The following SKAP1 variants were observed in gnomAD, a reference collection of about 807,000 sequenced individuals.
The protein encoded by SKAP1 is src kinase-associated phosphoprotein 1.
SKAP1 carries 44 observed loss-of-function variants against 58.5 expected under a neutral mutation model. The observed-to-expected ratio is 0.75, with a 90% CI of 0.59 to 0.97. The LOEUF (loss-of-function observed/expected upper bound fraction) is 0.97, where lower values mean the gene tolerates loss of function less well. SKAP1 is among the 50% of genes least tolerant of loss of function. The probability of loss-of-function intolerance (pLI) is 0.00; values close to 1 mark genes in which losing one functional copy is unlikely to be tolerated. For synonymous variants in SKAP1, 127 were observed against 149.7 expected (o/e 0.85, Z 1.11); for missense variants, 390 against 435.2 (o/e 0.90, Z 0.92).
intron 2 of SKAP1, among the ~76,000 whole-genome samples, chr17:48,390,706 A>G (rs1223277382): frequency 6.6e-6 from 1 of 152,102 alleles, no homozygotes; most frequent in Non-Finnish European, 1.5e-5. Context: ...ACTCCTTTTC[A>G]CTCTTGATTG....
chr17:48,356,794 T>C (rs1318589954), intron 3 of SKAP1, among the ~76,000 whole-genome samples: 11 of 152,202 alleles, frequency 7.2e-5, no homozygotes, highest in Non-Finnish European at 1.6e-4. Context: ...CTTTCATTCA[T>C]ATCAGTATCC....
At chr17:48,341,159 T>C (rs550419672) in intron 4 of SKAP1, among the ~76,000 whole-genome samples, 10 of 152,294 alleles carry the variant, frequency 6.6e-5, no homozygotes, top group Non-Finnish European at 1.3e-4. Context: ...TAGTAAAGAA[T>C]AGTAAACACT....
chr17:48,389,424 C>T (rs1423434004), intron 2 of SKAP1, among the ~76,000 whole-genome samples: 6 of 152,208 alleles, frequency 3.9e-5, no homozygotes, highest in Admixed American at 6.5e-5. Context: ...AACTACATCA[C>T]GCCTGGGGCG....
intron 1 of SKAP1, among the ~76,000 whole-genome samples, chr17:48,424,047 C>G (rs1014731231): frequency 1.3e-5 from 2 of 152,092 alleles, no homozygotes; most frequent in African/African-American, 4.8e-5. Flanking sequence ...TAACAAAATA[C>G]TACAAACTAG....
At position 48,430,089 on chromosome 17, in the gene SKAP1, C is replaced by T. The variant is rs1387810311; in HGVS notation, c.32G>A (p.Arg11His). The change falls in exon 1 of 13, where the codon CGT becomes CAT. Residue 11 changes from arginine to histidine, a missense_variant. Coordinates refer to ENST00000336915, the MANE Select transcript of SKAP1 (RefSeq NM_003726.4). ...CAGGGCGTTACCTTCCAGGAGCCAA[C>T]GGATCTCCTCAGGGAGGGCGGCGGC... MQAAALPEEI[R>H]WLLEDAEEFL... The T allele has an allele frequency of 7.9e-7, 1 of 1,266,382 alleles. No individual in the cohort carries two copies. The highest frequency in any genetic ancestry group is 1.0e-6 in the Non-Finnish European group (1 of 997,870). The allele number at this position is 1,266,382 out of a possible 1,614,324, so 78.4% of individuals were successfully genotyped here.
chr17:48,187,987 A>T, intron 5 of SKAP1, 61 bp from the exon 6 acceptor site: 1 of 1,211,144 alleles, frequency 8.3e-7, no homozygotes, highest in South Asian at 1.2e-5. Flanking sequence ...AAGAGTCTGT[A>T]AAATCCAACA....
chr17:48,353,614 G>A (rs116187071), intron 3 of SKAP1, among the ~76,000 whole-genome samples: 14,031 of 152,152 alleles, frequency 0.092, 983 homozygotes, highest in African/African-American at 0.17. Flanking sequence ...AGAATGAGAT[G>A]GCCGGGTGCA....
At chr17:48,363,897 C>T in intron 2 of SKAP1, 83 bp from the exon 3 acceptor site, 3 of 1,129,164 alleles carry the variant, frequency 2.7e-6, no homozygotes, top group Non-Finnish European at 3.8e-6. Context: ...GCTATAGCAC[C>T]TGGTCCAAAA....
chr17:48,433,684 G>GCC (rs2067929038), upstream of SKAP1, among the ~76,000 whole-genome samples: 1 of 152,162 alleles, frequency 6.6e-6, no homozygotes, highest in African/African-American at 2.4e-5. Context: ...AAGATAAGGG[G>GCC]ATCTAAAGAG....
chr17:48,188,809 G>T (rs914628145), intron 5 of SKAP1, among the ~76,000 whole-genome samples: 6 of 152,186 alleles, frequency 3.9e-5, no homozygotes, highest in Admixed American at 2.0e-4. Context: ...GACCAGCCTG[G>T]CCAACATGAT....
chr17:48,320,293 T>C (rs2066345011), intron 4 of SKAP1, among the ~76,000 whole-genome samples: 1 of 152,184 alleles, frequency 6.6e-6, no homozygotes, highest in Non-Finnish European at 1.5e-5. Context: ...CCCCTAAGTC[T>C]ATTCTGAGAG....
At chr17:48,273,711 G>T (rs1033934567) in intron 4 of SKAP1, among the ~76,000 whole-genome samples, 3 of 152,076 alleles carry the variant, frequency 2.0e-5, no homozygotes, top group Admixed American at 6.6e-5. Context: ...AAGCCACCGT[G>T]CCCGGCTCTT....
chr17:48,155,840 G>C (rs2063969687), intron 11 of SKAP1, among the ~76,000 whole-genome samples: 1 of 152,214 alleles, frequency 6.6e-6, no homozygotes. Flanking sequence ...GCAACAGAGA[G>C]AGACTCCGTC....
intron 2 of SKAP1, among the ~76,000 whole-genome samples, chr17:48,375,671 G>A (rs564895955): frequency 4.6e-5 from 7 of 152,230 alleles, no homozygotes; most frequent in East Asian, 1.9e-4. Context: ...ACTATAATTC[G>A]ATGAACTAAT....
chr17:48,187,794 T>G, intron 6 of SKAP1, 49 bp downstream of exon 6: 1 of 1,310,202 alleles, frequency 7.6e-7, no homozygotes, highest in Non-Finnish European at 1.1e-6. Flanking sequence ...ATTTACGAAG[T>G]GTTTGCATCC....
chr17:48,173,109 G>A (rs1347051468), intron 9 of SKAP1, among the ~76,000 whole-genome samples: 1 of 151,994 alleles, frequency 6.6e-6, no homozygotes, highest in Non-Finnish European at 1.5e-5. Flanking sequence ...GAGCCCAAGA[G>A]TTTGAGGCTG....
intron 2 of SKAP1, among the ~76,000 whole-genome samples, chr17:48,395,077 CTTTGAGAACAAGAA>C (rs1341218468): frequency 6.6e-6 from 1 of 152,162 alleles, no homozygotes; most frequent in Non-Finnish European, 1.5e-5. Flanking sequence ...ACACAAAGTT[CTTTGAGAACAAGAA>C]TTTGAGAACA....
At chr17:48,140,686 T>G (rs2063756407) in intron 11 of SKAP1, among the ~76,000 whole-genome samples, 1 of 152,130 alleles carries the variant, frequency 6.6e-6, no homozygotes, top group Non-Finnish European at 1.5e-5. Context: ...TCTCAGTGAG[T>G]TGTACTACAA....
intron 4 of SKAP1, among the ~76,000 whole-genome samples, chr17:48,202,679 C>T (rs1240104700): frequency 6.6e-6 from 1 of 151,914 alleles, no homozygotes; most frequent in East Asian, 1.9e-4. Context: ...CAAAATTTTC[C>T]AACCAAATCA....
Sources: allele counts gnomAD v4.1 joint callset (sites outside exome capture counted in the v4.1 genomes callset), GRCh38; gene constraint gnomAD v4.1.1; transcripts MANE v1.5; gene names NCBI Gene and HGNC (gene_info 2026-07-23, HGNC 2026-07-21).